RNF150: variants seen among roughly 807,000 people sequenced by gnomAD.
RNF150 encodes the protein ring finger protein 150.
In RNF150, 24 loss-of-function variants were observed where a neutral mutation model predicts 39.3. That is an observed-to-expected ratio of 0.61 (90% CI 0.44 to 0.86). The LOEUF (loss-of-function observed/expected upper bound fraction) is 0.86. RNF150 is among the 40% of genes least tolerant of loss of function. The pLI is 0.00. For synonymous variants in RNF150, 255 were observed against 227.3 expected (o/e 1.12, Z -1.10); for missense variants, 502 against 587.8 (o/e 0.85, Z 1.51).
At chr4:140,993,988 T>C (rs183346560) in intron 1 of RNF150, among the ~76,000 whole-genome samples, 59 of 152,294 alleles carry the variant, frequency 3.9e-4, no homozygotes, top group Non-Finnish European at 5.6e-4. Flanking sequence ...ATAACAGTGA[T>C]AATTTGCCAC....
intron 6 of RNF150, among the ~76,000 whole-genome samples, chr4:140,876,705 G>A (rs937372118): frequency 6.6e-6 from 1 of 152,178 alleles, no homozygotes. Context: ...GAAGAAGTGG[G>A]ATCTCAACCC....
intron 1 of RNF150, among the ~76,000 whole-genome samples, chr4:140,984,805 T>C (rs1325050850): frequency 6.6e-6 from 1 of 152,124 alleles, no homozygotes; most frequent in African/African-American, 2.4e-5. Context: ...TATAAATACC[T>C]CAGTTTCCTC....
chr4:141,002,452 C>T lies in RNF150; in HGVS notation c.485-34579G>A, dbSNP rs193125894. On this transcript the variant is annotated intron_variant, in intron 1 of 6. Coordinates refer to ENST00000515673, the MANE Select transcript of RNF150 (RefSeq NM_020724.2). ...CTATCTTAAGCTTTGCCACACTGAACGATTAAGAGCTTGGGTCAAAATGAT... is the reference window on the plus strand; with the variant it reads ...CTATCTTAAGCTTTGCCACACTGAATGATTAAGAGCTTGGGTCAAAATGAT... Among the ~76,000 whole-genome samples the T allele has an allele frequency of 1.5e-4, 23 of 152,212 alleles. 1 individual carries two copies. The highest frequency in any genetic ancestry group is 1.2e-3 in the Admixed American group (19 of 15,292).
At chr4:141,057,950 A>C (rs555477406) in intron 1 of RNF150, among the ~76,000 whole-genome samples, 32 of 152,304 alleles carry the variant, frequency 2.1e-4, no homozygotes, top group African/African-American at 6.7e-4. Context: ...CTTACTCTTT[A>C]ATAAAATTAA....
intron 1 of RNF150, among the ~76,000 whole-genome samples, chr4:141,147,117 G>A (rs538950474): frequency 6.6e-6 from 1 of 152,234 alleles, no homozygotes; most frequent in East Asian, 1.9e-4. Context: ...ACCACACTCG[G>A]CTAATCATTG....
intron 6 of RNF150, among the ~76,000 whole-genome samples, chr4:140,884,427 G>A (rs573351510): frequency 3.6e-4 from 55 of 152,296 alleles, no homozygotes; most frequent in African/African-American, 9.9e-4. Context: ...TTTGCAGTCT[G>A]GTTTCATACA....
intron 1 of RNF150, among the ~76,000 whole-genome samples, chr4:141,124,422 A>G (rs951454099): frequency 1.3e-5 from 2 of 152,238 alleles, no homozygotes; most frequent in Non-Finnish European, 2.9e-5. Flanking sequence ...ATTAGTAAAG[A>G]GAACTGAAGA....
rs1366568461 is a variant in RNF150 at position 140,865,085 on chromosome 4, G to A, written c.*3176C>T. On this transcript the variant is annotated 3_prime_UTR_variant, in exon 7 of 7. Coordinates refer to ENST00000515673, the MANE Select transcript of RNF150 (RefSeq NM_020724.2). Reference sequence around the variant, plus strand: ...CTAGACCTGCATTGTCCAATTGGCAGCCACTAGCCACATGTGACTATCCAA... The same window carrying A: ...CTAGACCTGCATTGTCCAATTGGCAACCACTAGCCACATGTGACTATCCAA... The A allele has an allele frequency of 6.6e-6, 1 of 152,138 alleles. No homozygotes were observed. The highest frequency in any genetic ancestry group is 6.5e-5 in the Admixed American group (1 of 15,276). 9.4% of individuals were successfully genotyped at this position (152,138 alleles called of 1,614,324 possible).
intron 3 of RNF150, among the ~76,000 whole-genome samples, chr4:140,948,140 A>AGT (rs1732397085): frequency 6.6e-6 from 1 of 152,178 alleles, no homozygotes; most frequent in Non-Finnish European, 1.5e-5. Flanking sequence ...ATTTTTTTCA[A>AGT]GTATATATAT....
At chr4:140,893,044 G>C (rs1404904999) in intron 6 of RNF150, among the ~76,000 whole-genome samples, 3 of 152,128 alleles carry the variant, frequency 2.0e-5, no homozygotes, top group African/African-American at 7.2e-5. Context: ...TCCAGCCTGG[G>C]AGATGGAGTG....
chr4:141,006,522 T>A (rs1251601242), intron 1 of RNF150, among the ~76,000 whole-genome samples: 2 of 152,162 alleles, frequency 1.3e-5, no homozygotes, highest in Non-Finnish European at 2.9e-5. Context: ...TTAAATTTAA[T>A]CCTCTCAGTA....
intron 6 of RNF150, among the ~76,000 whole-genome samples, chr4:140,901,815 TATCTC>T (rs896136881): frequency 1.2e-4 from 18 of 152,060 alleles, no homozygotes; most frequent in Middle Eastern, 3.2e-3. Flanking sequence ...GCAGAGAAAA[TATCTC>T]AGAGAATACA....
intron 1 of RNF150, among the ~76,000 whole-genome samples, chr4:140,999,951 G>GA (rs1391791137): frequency 5.3e-5 from 2 of 38,084 alleles, no homozygotes; most frequent in Non-Finnish European, 7.1e-5. Flanking sequence ...AAAAGAAGAA[G>GA]AAGAAGAAGA....
chr4:140,936,572 G>T (rs1274074553), intron 4 of RNF150, among the ~76,000 whole-genome samples: 1 of 151,704 alleles, frequency 6.6e-6, no homozygotes, highest in Non-Finnish European at 1.5e-5. Flanking sequence ...TGATAGGGAA[G>T]GATTAAAGTA....
At chr4:140,879,824 G>GA (rs984166013) in intron 6 of RNF150, among the ~76,000 whole-genome samples, 3 of 148,732 alleles carry the variant, frequency 2.0e-5, no homozygotes, top group East Asian at 2.0e-4. Context: ...GTCTCAAAAA[G>GA]AAAAAAAAAA....
chr4:141,106,725 C>T (rs906135826), intron 1 of RNF150, among the ~76,000 whole-genome samples: 16 of 151,900 alleles, frequency 1.1e-4, no homozygotes, highest in Admixed American at 3.9e-4. Flanking sequence ...ACCCGGGAGG[C>T]GGAAATTGCA....
intron 1 of RNF150, among the ~76,000 whole-genome samples, chr4:141,166,707 A>C (rs1727611652): frequency 6.6e-6 from 1 of 152,224 alleles, no homozygotes; most frequent in Non-Finnish European, 1.5e-5. Flanking sequence ...TGATTATCTC[A>C]ATAGATACAG....
chr4:141,078,844 CACACAT>C (rs1738030830), intron 1 of RNF150, among the ~76,000 whole-genome samples: 2 of 142,078 alleles, frequency 1.4e-5, no homozygotes, highest in South Asian at 4.4e-4. Flanking sequence ...CACACACACA[CACACAT>C]ACATACATAC....
chr4:141,002,624 G>A (rs1342317394), intron 1 of RNF150, among the ~76,000 whole-genome samples: 1 of 152,106 alleles, frequency 6.6e-6, no homozygotes, highest in Non-Finnish European at 1.5e-5. Context: ...CTGACAAATT[G>A]CTAAACCTTT....
Sources: gnomAD v4.1 joint callset for allele counts (sites outside exome capture counted in the v4.1 genomes callset) on GRCh38, gnomAD v4.1.1 for gene constraint, MANE v1.5 for transcripts, NCBI Gene and HGNC (gene_info 2026-07-23, HGNC 2026-07-21) for gene names.